UBN2: variants seen among roughly 807,000 people sequenced by gnomAD.
The protein encoded by UBN2 is ubinuclein-2.
In UBN2, 35 loss-of-function variants were observed where a neutral mutation model predicts 120.2. The ratio of observed to expected loss-of-function variants is 0.29; its 90% confidence interval spans 0.22 to 0.39. The LOEUF (loss-of-function observed/expected upper bound fraction) is 0.39. Ranked by LOEUF, UBN2 falls within the 10% of genes least tolerant of loss-of-function variation. UBN2 has a pLI of 1.00. For synonymous variants in UBN2, 661 were observed against 648.7 expected (o/e 1.02, Z -0.29); for missense variants, 1,693 against 1,663.2 (o/e 1.02, Z -0.31).
At chr7:139,322,827 C>T in the UBN2 span, among the ~76,000 whole-genome samples, 1 of 151,970 alleles carries the variant, frequency 6.6e-6, no homozygotes, top group Non-Finnish European at 1.5e-5. Context: ...CTTGGGCCAC[C>T]ACGCCAGGCT....
At chr7:139,296,845 G>A (rs982328370) in intron 17 of UBN2, among the ~76,000 whole-genome samples, 34 of 152,034 alleles carry the variant, frequency 2.2e-4, no homozygotes, top group African/African-American at 7.5e-4. Flanking sequence ...TGCTATGATC[G>A]CACCTGTGCA....
intron 2 of UBN2, among the ~76,000 whole-genome samples, chr7:139,250,287 C>A (rs1796589195): frequency 1.3e-5 from 2 of 152,060 alleles, no homozygotes; most frequent in South Asian, 4.1e-4. Context: ...GGCTGAAGTG[C>A]AGTGGTACCA....
At chr7:139,329,323 A>G in the UBN2 span, among the ~76,000 whole-genome samples, 7 of 151,618 alleles carry the variant, frequency 4.6e-5, no homozygotes, top group Non-Finnish European at 8.8e-5. Context: ...TGATTCCCCC[A>G]GTCAACCACT....
intron 9 of UBN2, 23 bp from the exon 10 acceptor site, chr7:139,273,274 T>C: frequency 6.4e-7 from 1 of 1,561,758 alleles, no homozygotes; most frequent in Non-Finnish European, 8.7e-7. Context: ...AAGTTTGTTT[T>C]GTAAAGTGTT....
the UBN2 span, among the ~76,000 whole-genome samples, chr7:139,319,331 C>T: frequency 6.6e-6 from 1 of 152,170 alleles, no homozygotes; most frequent in Admixed American, 6.6e-5. Context: ...AATCTACCAT[C>T]CTGGGCTTCC....
intron 7 of UBN2, among the ~76,000 whole-genome samples, chr7:139,267,171 T>G (rs1466867439): frequency 6.6e-6 from 1 of 152,162 alleles, no homozygotes; most frequent in Non-Finnish European, 1.5e-5. Context: ...AATAGCAAAT[T>G]TTAGCCCTCT....
In UBN2 at chr7:139,283,770, C is replaced by T. The variant is rs200725403; in HGVS notation, c.2865C>T (p.Val955=). 75 of 1,613,750 alleles carry T rather than the reference C, an allele frequency of 4.6e-5. 1 individual carries two copies. The highest frequency in any genetic ancestry group is 1.5e-4 in the Admixed American group (9 of 59,992). ...TCAGTAAATCCCAGACCAACCCCGT[C>T]GTGAAGTTAAGTAATAATCCCCAAC... ...ATISKSQTNP[V]VKLSNNPQLS... The change falls in exon 15 of 18, where the codon GTC becomes GTT. Residue 955 remains valine (V), a synonymous_variant. Coordinates refer to ENST00000473989, the MANE Select transcript of UBN2 (RefSeq NM_173569.4).
intron 2 of UBN2, among the ~76,000 whole-genome samples, chr7:139,246,109 A>C (rs1796461059): frequency 6.6e-6 from 1 of 152,156 alleles, no homozygotes; most frequent in African/African-American, 2.4e-5. Context: ...TCACATCTGT[A>C]ATCCCAGCAC....
chr7:139,264,498 C>A (rs1797032975), intron 6 of UBN2, among the ~76,000 whole-genome samples: 1 of 152,168 alleles, frequency 6.6e-6, no homozygotes, highest in Non-Finnish European at 1.5e-5. Context: ...ATTCTTTTGT[C>A]TGCTCGTAGA....
chr7:139,323,650 C>T, the UBN2 span, among the ~76,000 whole-genome samples: 12 of 150,966 alleles, frequency 7.9e-5, no homozygotes, highest in Admixed American at 4.0e-4. Context: ...AGTTCAGTGG[C>T]GCGATCTTGG....
chr7:139,283,692 G>A lies in UBN2; in HGVS notation c.2787G>A (p.Val929=). ...DASSLTQVTK[V]HQHSAVQQNY... is the part of the protein sequence containing the mutation. The stretch of plus-strand genomic sequence containing the variant: ...CTTCGTTAACACAAGTAACAAAGGT[G>A]CACCAGCATTCAGCTGTCCAGCAGA... The change falls in exon 15 of 18, where the codon GTG becomes GTA. Residue 929 remains valine, a synonymous_variant. Coordinates refer to ENST00000473989, the MANE Select transcript of UBN2 (RefSeq NM_173569.4). 1 of 1,614,066 alleles carries A rather than the reference G, an allele frequency of 6.2e-7. No individual in the cohort carries two copies.
intron 12 of UBN2, among the ~76,000 whole-genome samples, chr7:139,278,339 G>A (rs1305873510): frequency 5.3e-5 from 8 of 151,774 alleles, no homozygotes; most frequent in African/African-American, 9.7e-5. Context: ...GCGCCACCAC[G>A]CCTGGCTAAT....
At position 139,272,326 on chromosome 7, in the gene UBN2, A is replaced by T; in HGVS notation, c.1601A>T (p.Asp534Val). The T allele has an allele frequency of 1.2e-6, 2 of 1,607,446 alleles. No individual in the cohort carries two copies. The highest frequency in any genetic ancestry group is 1.7e-6 in the Non-Finnish European group (2 of 1,177,758). ...LKKLHLNVQD[D>V]RLREPLQKLK... ...CTAGTATGTTTTTCTTTTTAGGATG[A>T]TCGTTTAAGAGAACCTCTGCAAAAA... is the stretch of plus-strand genomic sequence containing the variant. Residue 534 changes from aspartate to valine, a missense_variant, in exon 9 of 18, where the codon GAT becomes GTT. Asp to Val is a radical substitution (Grantham distance 152). Around this residue, in one of 5 missense-constraint regions of UBN2, gnomAD observed 178 missense variants for 204.0 expected, o/e 0.87. Transcript: ENST00000473989.
intron 11 of UBN2, among the ~76,000 whole-genome samples, chr7:139,274,845 T>C (rs1415880916): frequency 2.0e-5 from 3 of 151,814 alleles, no homozygotes; most frequent in African/African-American, 7.3e-5. Flanking sequence ...CTCAGCACTT[T>C]GGAAGGCCAA....
At chr7:139,293,125 C>T in intron 15 of UBN2, 107 bp from the exon 16 acceptor site, 6 of 890,430 alleles carry the variant, frequency 6.7e-6, no homozygotes, top group Non-Finnish European at 1.0e-5. Context: ...ACGTTTCTGT[C>T]AGAGCAGATG....
intron 13 of UBN2, 41 bp from the exon 14 acceptor site, chr7:139,281,964 T>A: frequency 1.9e-6 from 3 of 1,586,968 alleles, no homozygotes; most frequent in Non-Finnish European, 2.6e-6. Flanking sequence ...GAAGTTAGAG[T>A]GTAACAGTAT....
At chr7:139,294,103 T>C in intron 17 of UBN2, 122 bp downstream of exon 17, 1 of 875,534 alleles carries the variant, frequency 1.1e-6, no homozygotes, top group South Asian at 1.5e-5. Flanking sequence ...TTTCATAGAC[T>C]GAATCCTCAT....
chr7:139,283,900 C>G lies in UBN2; in HGVS notation c.2995C>G (p.Leu999Val), dbSNP rs933875785. The change falls in exon 15 of 18, where the codon CTG becomes GTG. Residue 999 changes from leucine (L) to valine (V), a missense_variant. Leu to Val is a conservative substitution (Grantham distance 32, BLOSUM62 1). This residue lies in a region of UBN2 where 837 missense variants were observed against 817.6 expected (regional missense o/e 1.02). Coordinates refer to ENST00000473989, the MANE Select transcript of UBN2 (RefSeq NM_173569.4). ...AAATGGTTCTCAAGGGTCCCACCCC[C>G]TGGTTTCTAGGACAGTACCTAGCAC... ...PGNGSQGSHP[L>V]VSRTVPSTTT... 1.9e-6 allele frequency: 3 copies of G among 1,614,154 alleles called. No individual in the cohort carries two copies. The highest frequency in any genetic ancestry group is 8.5e-7 in the Non-Finnish European group (1 of 1,180,018).
At chr7:139,287,751 AAAGT>A (rs574444087) in intron 15 of UBN2, among the ~76,000 whole-genome samples, 13 of 150,642 alleles carry the variant, frequency 8.6e-5, no homozygotes, top group Non-Finnish European at 1.3e-4. Context: ...CCCTTTGGCG[AAAGT>A]AAGGTTCTTT....
Sources: gnomAD v4.1 joint callset for allele counts (sites outside exome capture counted in the v4.1 genomes callset) on GRCh38, gnomAD v4.1.1 for gene constraint, gnomAD v4.1.1 regional missense constraint, MANE v1.5 for transcripts, NCBI Gene and HGNC (gene_info 2026-07-23, HGNC 2026-07-21) for gene names.